The following HEMGN variants were observed in gnomAD, a reference collection of about 807,000 sequenced individuals.
HEMGN encodes the protein hemogen, also known as erythroid differentiation-associated gene protein.
In HEMGN, 32 loss-of-function variants were observed where a neutral mutation model predicts 45.7. The ratio of observed to expected loss-of-function variants is 0.70; its 90% CI spans 0.53 to 0.94. The LOEUF is 0.94. Among genes scored for constraint, HEMGN ranks in the 40% least tolerant of loss-of-function variants. HEMGN has a pLI of 0.00. For synonymous variants in HEMGN, 183 were observed against 178.6 expected, an observed-to-expected ratio of 1.02 and a Z score of -0.20; for missense variants, 530 against 564.2, an observed-to-expected ratio of 0.94 and a Z score of 0.61.
chr9:97,940,258 T>A (rs1178112055), upstream of HEMGN, among the ~76,000 whole-genome samples: 2 of 152,152 alleles, frequency 1.3e-5, no homozygotes, highest in Non-Finnish European at 2.9e-5. Flanking sequence ...CCCTGTAGGC[T>A]CATAGAGGAG....
chr9:97,935,827 A>G (rs762101515), intron 2 of HEMGN, among the ~76,000 whole-genome samples: 61 of 152,202 alleles, frequency 4.0e-4, no homozygotes, highest in Non-Finnish European at 7.3e-4. Context: ...GGCTTCTTCA[A>G]TGATGTTTCC....
At position 97,931,082 on chromosome 9, in the gene HEMGN, C is replaced by T; in HGVS notation, c.313G>A (p.Glu105Lys). Residue 105 changes from glutamate to lysine, a missense_variant, in exon 3 of 4, where the codon GAG becomes AAG. Physicochemically the swap from Glu to Lys is moderately conservative, Grantham distance 56. Coordinates refer to ENST00000616898, the MANE Select transcript of HEMGN (RefSeq NM_197978.3). ...EIVEKALAPI[E>K]KKTEPPGSIT... ...CTCCCAGGTGGCTCAGTTTTTTTCT[C>T]TATAGGTGCCAGTGCTTTCTCCACT... is the stretch of plus-strand genomic sequence containing the variant. The T allele has an allele frequency of 6.2e-7, 1 of 1,614,110 alleles. No homozygotes were observed. The highest frequency in any genetic ancestry group is 2.2e-5 in the East Asian group (1 of 44,888).
intron 2 of HEMGN, among the ~76,000 whole-genome samples, chr9:97,932,640 C>T (rs1179590290): frequency 2.0e-5 from 3 of 151,994 alleles, no homozygotes; most frequent in Non-Finnish European, 4.4e-5. Context: ...CCCGTCTCTA[C>T]TAAAAATACA....
intron 3 of HEMGN, among the ~76,000 whole-genome samples, chr9:97,928,093 C>T (rs1253695875): frequency 1.4e-5 from 2 of 147,512 alleles, no homozygotes; most frequent in Admixed American, 6.8e-5. Context: ...GTGGCGCGAT[C>T]TCTGCTCACT....
At position 97,930,649 on chromosome 9, in the gene HEMGN, T is replaced by G; in HGVS notation, c.746A>C (p.Asp249Ala). 6.2e-7 allele frequency: 1 copy of G among 1,614,232 alleles called. No individual in the cohort carries two copies. Among genetic ancestry groups the G allele is most frequent in the East Asian group, 2.2e-5 (1 of 44,888 alleles). ...PKILPCPTSE[D>A]TADLAGCSLQ... is the part of the protein sequence containing the mutation. ...AGAGCATCCTGCCAGATCAGCTGTG[T>G]CTTCAGATGTTGGACAAGGAAGGAT... The change falls in exon 3 of 4, where the codon GAC becomes GCC. Residue 249 changes from aspartate to alanine, a missense_variant. Physicochemically the swap from Asp to Ala is moderately radical, Grantham distance 126. Transcript: ENST00000616898.
intron 1 of HEMGN, among the ~76,000 whole-genome samples, chr9:97,943,941 T>C (rs933610927): frequency 1.3e-5 from 2 of 152,138 alleles, no homozygotes; most frequent in Non-Finnish European, 2.9e-5. Context: ...TGCTCCACTT[T>C]TGGCCTCTCT....
chr9:97,938,703 A>G (rs920689507), upstream of HEMGN, among the ~76,000 whole-genome samples: 1 of 152,206 alleles, frequency 6.6e-6, no homozygotes, highest in African/African-American at 2.4e-5. Context: ...TTAATCTTAC[A>G]TGGTTTCCTG....
At chr9:97,937,550 T>C (rs925570750) in intron 1 of HEMGN, among the ~76,000 whole-genome samples, 3 of 152,040 alleles carry the variant, frequency 2.0e-5, no homozygotes. Context: ...TACTATATAA[T>C]AATTTTTTAT....
intron 1 of HEMGN, 119 bp from the exon 2 acceptor site, chr9:97,936,383 A>G: frequency 1.4e-6 from 1 of 690,904 alleles, no homozygotes. Flanking sequence ...TTTGAGGACA[A>G]GGACTGCATC....
chr9:97,944,313 T>C lies in HEMGN; in HGVS notation c.-56+455A>G, dbSNP rs10984459. Reference sequence around the variant, plus strand: ...TCCCTGTGCTTTATTTCTGTTAGAATAGTAGTACCATGCCTGGCCATCTAG... The same window carrying C: ...TCCCTGTGCTTTATTTCTGTTAGAACAGTAGTACCATGCCTGGCCATCTAG... On this transcript the variant is annotated intron_variant, in intron 1 of 4. Coordinates refer to the HEMGN transcript ENST00000259456. 8.5e-5 allele frequency among the ~76,000 whole-genome samples: 13 copies of C among 152,330 alleles called. No individual in the cohort carries two copies. In the East Asian group the frequency reaches 2.1e-3, roughly 25 times the overall value.
Position 97,937,670 on chromosome 9 carries a change from C to T in HEMGN, c.79+388G>A, listed in dbSNP as rs181298036. On this transcript the variant is annotated intron_variant, in intron 1 of 3. Transcript: ENST00000616898. Reference sequence around the variant, plus strand: ...GGAGTCTCTGGGTTCATCAGAATGCCAAAGAGATCCATGTAGCAAAAAAAA... The same window carrying T: ...GGAGTCTCTGGGTTCATCAGAATGCTAAAGAGATCCATGTAGCAAAAAAAA... Among the ~76,000 whole-genome samples, 351 of 151,720 alleles carry T rather than the reference C, an allele frequency of 2.3e-3. 2 individuals are homozygous for T. Among genetic ancestry groups the T allele is most frequent in the African/African-American group, 8.3e-3 (342 of 41,396 alleles).
chr9:97,933,076 A>T (rs1252820883), intron 2 of HEMGN, among the ~76,000 whole-genome samples: 1 of 152,188 alleles, frequency 6.6e-6, no homozygotes, highest in African/African-American at 2.4e-5. Context: ...AAAAATGCAA[A>T]AAATACCTAT....
chr9:97,928,603 T>A (rs1392329776), intron 3 of HEMGN, among the ~76,000 whole-genome samples: 1 of 152,198 alleles, frequency 6.6e-6, no homozygotes, highest in Non-Finnish European at 1.5e-5. Context: ...GTATTATTTA[T>A]CCAGTAGAGC....
chr9:97,930,713 G>C lies in HEMGN; in HGVS notation c.682C>G (p.Leu228Val). 2 of 1,614,202 alleles carry C rather than the reference G, an allele frequency of 1.2e-6. No homozygotes were observed. Among genetic ancestry groups the C allele is most frequent in the Non-Finnish European group, 1.7e-6 (2 of 1,180,032 alleles). ...MYQDMAKRED[L>V]APKMCQEAAV... ...GCTTCTTGGCACATTTTAGGAGCCA[G>C]ATCTTCTCGTTTAGCCATATCTTGG... is the stretch of plus-strand genomic sequence containing the variant. Residue 228 changes from leucine to valine, a missense_variant, in exon 3 of 4, where the codon CTG becomes GTG. By Grantham distance (32) the Leu-to-Val change is conservative. Coordinates refer to ENST00000616898, the MANE Select transcript of HEMGN (RefSeq NM_197978.3).
chr9:97,940,579 T>A (rs1056249166), upstream of HEMGN, among the ~76,000 whole-genome samples: 1 of 152,188 alleles, frequency 6.6e-6, no homozygotes, highest in Admixed American at 6.5e-5. Flanking sequence ...CAGTTCATGG[T>A]CCCTTCTCTC....
Position 97,930,270 on chromosome 9 carries a change from A to G in HEMGN, c.1125T>C (p.Pro375=), listed in dbSNP as rs968205258. The G allele has an allele frequency of 3.7e-6, 6 of 1,614,002 alleles. No individual in the cohort carries two copies. In the Admixed American group the frequency reaches 5.0e-5, roughly 13 times the overall value. Residue 375 remains proline, a synonymous_variant, in exon 3 of 4, where the codon CCT becomes CCC. Coordinates refer to ENST00000616898, the MANE Select transcript of HEMGN (RefSeq NM_197978.3). ...KYSPETYQEI[P]GLEEYSPEIY... ...TTTCAGGTGAATATTCTTCAAGCCC[A>G]GGTATTTCTTGATACGTTTCAGGTG... is the stretch of plus-strand genomic sequence containing the variant.
At chr9:97,942,197 T>C (rs2131559740), upstream of HEMGN, among the ~76,000 whole-genome samples, 1 of 152,164 alleles carries the variant, frequency 6.6e-6, no homozygotes, top group East Asian at 1.9e-4. Context: ...TTGAGTGATA[T>C]AACTAAGATC....
chr9:97,933,611 A>G (rs1386255469), intron 2 of HEMGN, among the ~76,000 whole-genome samples: 1 of 152,142 alleles, frequency 6.6e-6, no homozygotes, highest in Non-Finnish European at 1.5e-5. Flanking sequence ...CAGAGTGCCA[A>G]TCTATTCGTT....
At chr9:97,934,660 A>G (rs1827024677) in intron 2 of HEMGN, among the ~76,000 whole-genome samples, 1 of 152,158 alleles carries the variant, frequency 6.6e-6, no homozygotes, top group African/African-American at 2.4e-5. Context: ...GTGTTCCTAA[A>G]AAAACCTCAC....
Sources: allele counts gnomAD v4.1 joint callset (sites outside exome capture counted in the v4.1 genomes callset), GRCh38; gene constraint gnomAD v4.1.1; transcripts MANE v1.5; gene names NCBI Gene and HGNC (gene_info 2026-07-23, HGNC 2026-07-21).